JMJD7: variants seen among roughly 807,000 people sequenced by gnomAD.
The protein encoded by JMJD7 is bifunctional peptidase and (3S)-lysyl hydroxylase JMJD7.
In JMJD7, 41 loss-of-function variants were observed where a neutral mutation model predicts 41.1. The ratio of observed to expected loss-of-function variants is 1.00; its 90% CI spans 0.78 to 1.30. The LOEUF (loss-of-function observed/expected upper bound fraction) is 1.30, where lower values mean the gene tolerates loss of function less well. Ranked by LOEUF, JMJD7 falls within the 50% of genes most tolerant of loss-of-function variation. The probability of loss-of-function intolerance (pLI) is 0.00; values close to 1 mark genes in which losing one functional copy is unlikely to be tolerated. For missense variants in JMJD7, 480 were observed against 420.7 expected (o/e 1.14, Z -1.23); for synonymous variants, 202 against 177.2 (o/e 1.14, Z -1.11).
At position 41,833,393 on chromosome 15, in the gene JMJD7, C is replaced by T. The variant is rs111924783; in HGVS notation, c.65-1347C>T. On this transcript the variant is annotated intron_variant, in intron 1 of 7. Coordinates refer to ENST00000397299, the MANE Select transcript of JMJD7 (RefSeq NM_001114632.2). Reference sequence around the variant, plus strand: ...ATAAACAGTTTATGTAGGTGAAATACATATATATATATATATATATATTTT... The same window carrying T: ...ATAAACAGTTTATGTAGGTGAAATATATATATATATATATATATATATTTT... Among the ~76,000 whole-genome samples the T allele has an allele frequency of 8.6e-3, 434 of 50,530 alleles. 3 individuals carry two copies. The highest frequency in any genetic ancestry group is 0.028 in the African/African-American group (419 of 14,734). 33.1% of individuals were successfully genotyped at this position (50,530 alleles called of 152,430 possible). A position where few individuals can be genotyped will look rare whatever the true frequency, so the allele number is the denominator to read the frequency against.
At position 41,837,259 on chromosome 15, in the gene JMJD7, C is replaced by A. The variant is rs567048243; in HGVS notation, c.*103C>A. 1.2e-5 allele frequency: 9 copies of A among 762,486 alleles called. No homozygotes were observed. Among genetic ancestry groups the A allele is most frequent in the Non-Finnish European group, 1.7e-5 (8 of 458,456 alleles). The allele number at this position is 762,486 out of a possible 1,614,324, so 47.2% of individuals were successfully genotyped here. Reference sequence around the variant, plus strand: ...GAGCCTGGAGTGTGCATGCTGGCTGCTGGCCCCGGGTCCAGCATGGCTTGA... The same window carrying A: ...GAGCCTGGAGTGTGCATGCTGGCTGATGGCCCCGGGTCCAGCATGGCTTGA... On this transcript the variant is annotated 3_prime_UTR_variant, in exon 8 of 8. Coordinates refer to ENST00000397299, the MANE Select transcript of JMJD7 (RefSeq NM_001114632.2).
intron 1 of JMJD7, among the ~76,000 whole-genome samples, chr15:41,830,603 C>A (rs1178307905): frequency 6.6e-6 from 1 of 152,182 alleles, no homozygotes; most frequent in African/African-American, 2.4e-5. Context: ...GCAGGAGCCC[C>A]ACCCTCCTAG....
At position 41,837,340 on chromosome 15, in the gene JMJD7, G is replaced by A. The variant is rs1242583516; in HGVS notation, c.*184G>A. 4 of 594,022 alleles carry A rather than the reference G, an allele frequency of 6.7e-6. No individual in the cohort carries two copies. Among genetic ancestry groups the A allele is most frequent in the Admixed American group, 3.0e-5 (1 of 32,798 alleles). The allele number at this position is 594,022 out of a possible 1,614,324, so 36.8% of individuals were successfully genotyped here. On this transcript the variant is annotated 3_prime_UTR_variant, in exon 8 of 8. Transcript: ENST00000397299. ...CATAAGGACTCAAGGTGCCAGGCAG[G>A]TCTGGGTGAGGGTTCTCAGGAAGTT...
Position 41,828,181 on chromosome 15 carries a change from T to A in JMJD7, c.57T>A (p.Ala19=). Reference sequence around the variant, plus strand: ...GCGAGTTACGAGAATTCCCGGCCGCTGCAAGGGGTGAGTGGCTCTCCCACA... The same window carrying A: ...GCGAGTTACGAGAATTCCCGGCCGCAGCAAGGGGTGAGTGGCTCTCCCACA... ...VRSELREFPA[A]ARELCVPLAV... The change falls in exon 1 of 8, where the codon GCT becomes GCA. Residue 19 remains alanine, a synonymous_variant. Coordinates refer to ENST00000397299, the MANE Select transcript of JMJD7 (RefSeq NM_001114632.2). 10 of 1,499,384 alleles carry A rather than the reference T, an allele frequency of 6.7e-6. No individual in the cohort carries two copies. Among genetic ancestry groups the A allele is most frequent in the Non-Finnish European group, 7.9e-6 (9 of 1,134,732 alleles). The allele number at this position is 1,499,384 out of a possible 1,614,324, so 92.9% of individuals were successfully genotyped here. A position where few individuals can be genotyped will look rare whatever the true frequency, so the allele number is the denominator to read the frequency against.
chr15:41,835,017 G>A lies in JMJD7; in HGVS notation c.266G>A (p.Gly89Asp). 1 of 1,614,108 alleles carries A rather than the reference G, an allele frequency of 6.2e-7. No homozygotes were observed. The highest frequency in any genetic ancestry group is 8.5e-7 in the Non-Finnish European group (1 of 1,180,052). The change falls in exon 3 of 8, where the codon GGT (glycine) becomes GAT (aspartate). Residue 89 changes from glycine to aspartate, a missense_variant. Coordinates refer to ENST00000397299, the MANE Select transcript of JMJD7 (RefSeq NM_001114632.2). ...TEVSVAVTPD[G>D]YADAVRGDRF... The stretch of plus-strand genomic sequence containing the variant: ...GTGAGTGTGGCCGTGACCCCAGATG[G>A]TTACGCGGATGCCGTGAGAGGGGAT...
intron 1 of JMJD7, among the ~76,000 whole-genome samples, chr15:41,833,005 T>G (rs747859013): frequency 1.2e-4 from 18 of 152,152 alleles, no homozygotes; most frequent in Admixed American, 3.3e-4. Context: ...GAAATCAGAC[T>G]GGAAGAGTAG....
intron 4 of JMJD7, among the ~76,000 whole-genome samples, chr15:41,835,858 T>C (rs1419728841): frequency 6.6e-6 from 1 of 152,192 alleles, no homozygotes; most frequent in Non-Finnish European, 1.5e-5. Flanking sequence ...GCATTGTTTC[T>C]TCTAGACCCA....
Position 41,835,690 on chromosome 15 carries a change from C to A in JMJD7, c.529+46C>A, listed in dbSNP as rs2065302077. ...AAGGTGGGGAAGGAGCAGGTTGGGG[C>A]AGAGGGAGGGAAGACGAGGCCAGGA... On this transcript the variant is annotated intron_variant, in intron 4 of 7. Coordinates refer to ENST00000397299, the MANE Select transcript of JMJD7 (RefSeq NM_001114632.2). 3 of 1,589,882 alleles carry A rather than the reference C, an allele frequency of 1.9e-6. No individual in the cohort carries two copies. The South Asian group carries it at 3.4e-5, about 18-fold the overall frequency.
intron 1 of JMJD7, among the ~76,000 whole-genome samples, chr15:41,834,187 T>G (rs2065274882): frequency 6.6e-6 from 1 of 152,140 alleles, no homozygotes; most frequent in Non-Finnish European, 1.5e-5. Context: ...TAGTTTGTCT[T>G]CCCGGGTAAG....
intron 1 of JMJD7, among the ~76,000 whole-genome samples, chr15:41,830,994 G>A (rs1028662647): frequency 6.6e-6 from 1 of 152,232 alleles, no homozygotes; most frequent in African/African-American, 2.4e-5. Flanking sequence ...GGCGGGTCCC[G>A]GTGAAGCCCG....
At chr15:41,831,666 A>T (rs116010150) in intron 1 of JMJD7, among the ~76,000 whole-genome samples, 2 of 152,276 alleles carry the variant, frequency 1.3e-5, no homozygotes, top group African/African-American at 4.8e-5. Flanking sequence ...GAGAGGAGCT[A>T]TCCTCTTTGC....
At chr15:41,835,351 C>T in intron 3 of JMJD7, 128 bp downstream of exon 3, 1 of 1,388,144 alleles carries the variant, frequency 7.2e-7, no homozygotes, top group Non-Finnish European at 9.6e-7. Flanking sequence ...GTGCAGCTCA[C>T]TAAATACATT....
chr15:41,835,748 G>T, intron 4 of JMJD7, 104 bp downstream of exon 4: 1 of 1,384,920 alleles, frequency 7.2e-7, no homozygotes. Context: ...AGGTTGGGCT[G>T]TTCTCTAAGA....
intron 1 of JMJD7, 51 bp downstream of exon 1, chr15:41,828,239 C>T: frequency 6.8e-7 from 1 of 1,472,708 alleles, no homozygotes; most frequent in Non-Finnish European, 8.9e-7. Context: ...GGGAGGGGCC[C>T]TGGGATGCCG....
chr15:41,836,082 A>G (rs1204552477), intron 4 of JMJD7, 66 bp from the exon 5 acceptor site: 3 of 1,488,168 alleles, frequency 2.0e-6, no homozygotes, highest in South Asian at 1.3e-5. Flanking sequence ...TCTCAGCATG[A>G]TGGTTTGCCT....
intron 1 of JMJD7, among the ~76,000 whole-genome samples, chr15:41,833,348 C>G (rs1440262352): frequency 7.1e-6 from 1 of 140,554 alleles, no homozygotes. Flanking sequence ...AGTTCACATT[C>G]TAGCAAGGGT....
chr15:41,836,211 A>G lies in JMJD7; in HGVS notation c.593A>G (p.His198Arg). 6.2e-7 allele frequency: 1 copy of G among 1,613,024 alleles called. No homozygotes were observed. Among genetic ancestry groups the G allele is most frequent in the South Asian group, 1.1e-5 (1 of 90,956 alleles). The change falls in exon 5 of 8, where the codon CAT (histidine) becomes CGT (arginine). Residue 198 changes from histidine to arginine, a missense_variant. Transcript: ENST00000397299. The part of the protein sequence containing the change: ...VVSGEKHFLF[H>R]PPSDRPFIPY... ...TCAGGAGAGAAGCATTTCCTGTTCC[A>G]TCCGCCCAGCGACCGGCCCTTCATC... is the stretch of plus-strand genomic sequence containing the variant.
intron 1 of JMJD7, among the ~76,000 whole-genome samples, chr15:41,833,414 A>ATATATATATATATATATATTTT (rs1239528383): frequency 3.1e-5 from 1 of 32,012 alleles, no homozygotes; most frequent in African/African-American, 9.4e-5. Context: ...ATATATATAT[A>ATATATATATATATATATATTTT]TTTTTTTTTT....
intron 7 of JMJD7, 59 bp downstream of exon 7, chr15:41,836,999 G>A (rs929013359): frequency 6.2e-7 from 1 of 1,608,308 alleles, no homozygotes; most frequent in Non-Finnish European, 8.5e-7. Flanking sequence ...CAGGGCCTCT[G>A]GGGGGAGGCT....
Sources: gnomAD v4.1 joint callset for allele counts (sites outside exome capture counted in the v4.1 genomes callset) on GRCh38, gnomAD v4.1.1 for gene constraint, MANE v1.5 for transcripts, NCBI Gene and HGNC (gene_info 2026-07-23, HGNC 2026-07-21) for gene names.